The following TBC1D22A variants were observed in gnomAD, a reference collection of about 807,000 sequenced individuals.
The protein encoded by TBC1D22A is TBC1 domain family member 22A.
A neutral mutation model predicts 60.2 loss-of-function variants in TBC1D22A; 38 were observed. The ratio of observed to expected loss-of-function variants is 0.63; its 90% CI spans 0.49 to 0.83. The LOEUF is 0.83. Among genes scored for constraint, TBC1D22A ranks in the 40% least tolerant of loss-of-function variants. TBC1D22A has a pLI of 0.00. For synonymous variants in TBC1D22A, 302 were observed against 281.7 expected, an observed-to-expected ratio of 1.07 and a Z score of -0.72; for missense variants, 628 against 701.0, an observed-to-expected ratio of 0.90 and a Z score of 1.18.
At chr22:47,008,635 G>C (rs889411406) in intron 10 of TBC1D22A, among the ~76,000 whole-genome samples, 1 of 152,216 alleles carries the variant, frequency 6.6e-6, no homozygotes, top group African/African-American at 2.4e-5. Flanking sequence ...ACAACGATGG[G>C]CTGCAGCAAG....
intron 11 of TBC1D22A, among the ~76,000 whole-genome samples, chr22:47,053,981 G>A (rs2063309859): frequency 6.6e-6 from 1 of 152,202 alleles, no homozygotes; most frequent in South Asian, 2.1e-4. Context: ...GAGGAAACAG[G>A]CTGAGAGAGG....
At chr22:47,140,269 G>A (rs1365136980) in intron 12 of TBC1D22A, among the ~76,000 whole-genome samples, 1 of 152,098 alleles carries the variant, frequency 6.6e-6, no homozygotes, top group Non-Finnish European at 1.5e-5. Context: ...AGAGCTCATC[G>A]GTTGTGAAAA....
intron 10 of TBC1D22A, among the ~76,000 whole-genome samples, chr22:47,029,376 G>A (rs1269826681): frequency 6.6e-6 from 1 of 152,066 alleles, no homozygotes; most frequent in Non-Finnish European, 1.5e-5. Flanking sequence ...CCATAGCCAT[G>A]TGTTCGCCAA....
chr22:46,862,864 A>G (rs2087979060), intron 4 of TBC1D22A, among the ~76,000 whole-genome samples: 1 of 152,030 alleles, frequency 6.6e-6, no homozygotes, highest in South Asian at 2.1e-4. Context: ...GCATGGGAGG[A>G]AAGGGGACAG....
chr22:46,942,026 T>TTATATATATATATATATATATTA (rs75052846), intron 8 of TBC1D22A, among the ~76,000 whole-genome samples: 1 of 137,400 alleles, frequency 7.3e-6, no homozygotes, highest in East Asian at 2.1e-4. Context: ...TATATATATA[T>TTATATATATATATATATATATTA]TATATATATA....
chr22:47,142,885 C>A (rs1369948800), intron 12 of TBC1D22A, among the ~76,000 whole-genome samples: 1 of 148,610 alleles, frequency 6.7e-6, no homozygotes, highest in African/African-American at 2.5e-5. Context: ...TCCACCCACC[C>A]ACCCGACCAC....
intron 11 of TBC1D22A, among the ~76,000 whole-genome samples, chr22:47,104,817 C>A (rs1361079016): frequency 6.6e-6 from 1 of 152,042 alleles, no homozygotes; most frequent in Non-Finnish European, 1.5e-5. Flanking sequence ...TGGACATTTC[C>A]TTTCTATTAT....
chr22:47,062,184 G>A (rs762319757), intron 11 of TBC1D22A, among the ~76,000 whole-genome samples: 2 of 151,700 alleles, frequency 1.3e-5, no homozygotes, highest in Non-Finnish European at 2.9e-5. Flanking sequence ...CCAGGGTTCC[G>A]GCAGTGTGGA....
rs553484153 is a variant in TBC1D22A, at chr22:46,840,746, A to AC, written c.638-37907_638-37906insC. Among the ~76,000 whole-genome samples, 122 of 152,264 alleles carry AC rather than the reference A, an allele frequency of 8.0e-4. 5 individuals are homozygous for AC. The East Asian group carries it at 0.02, about 25-fold the overall frequency. ...AGACTCTGTCTACAAAAAAAAAAAA[A>AC]AGACAAATGATAACAAGCATTCGTG... is the stretch of plus-strand genomic sequence containing the variant. On this transcript the variant is annotated intron_variant, in intron 4 of 12. Transcript: ENST00000337137.
At position 46,891,348 on chromosome 22, in the gene TBC1D22A, A is replaced by G. The variant is rs751940883; in HGVS notation, c.791A>G (p.Tyr264Cys). ...QKEYFAFIEH[Y>C]YDSRNDEVHQ... is the part of the protein sequence containing the mutation. ...GAATATTTTGCATTTATTGAGCACTATTACGATTCTAGGAACGACGAAGTT... is the reference window on the plus strand; with the variant it reads ...GAATATTTTGCATTTATTGAGCACTGTTACGATTCTAGGAACGACGAAGTT... Residue 264 changes from tyrosine (Y) to cysteine (C), a missense_variant, in exon 6 of 13, where the codon TAT becomes TGT. Physicochemically the swap from Tyr to Cys is radical, Grantham distance 194. Coordinates refer to ENST00000337137, the MANE Select transcript of TBC1D22A (RefSeq NM_014346.5). 2.5e-6 allele frequency: 4 copies of G among 1,613,368 alleles called. No individual in the cohort carries two copies. In the South Asian group the frequency reaches 4.4e-5, roughly 18 times the overall value.
intron 12 of TBC1D22A, among the ~76,000 whole-genome samples, chr22:47,137,021 A>C (rs2066900364): frequency 6.6e-6 from 1 of 152,080 alleles, no homozygotes; most frequent in African/African-American, 2.4e-5. Context: ...CTACGTCTTC[A>C]CTCGGCGCGG....
intron 9 of TBC1D22A, among the ~76,000 whole-genome samples, chr22:46,980,916 T>A (rs1454759641): frequency 1.3e-5 from 2 of 152,218 alleles, no homozygotes; most frequent in Non-Finnish European, 2.9e-5. Flanking sequence ...ATGTGTCTCA[T>A]GTTCTGAAGA....
At chr22:46,830,046 C>T (rs537996690) in intron 4 of TBC1D22A, among the ~76,000 whole-genome samples, 2 of 152,324 alleles carry the variant, frequency 1.3e-5, no homozygotes, top group East Asian at 1.9e-4. Flanking sequence ...GTGCTGTGAG[C>T]GCAGAGCCCT....
intron 12 of TBC1D22A, among the ~76,000 whole-genome samples, chr22:47,171,766 G>A (rs560219985): frequency 3.9e-4 from 60 of 152,354 alleles, no homozygotes; most frequent in South Asian, 2.3e-3. Flanking sequence ...GTCCCCCGAG[G>A]ACCTGTGCTT....
At chr22:47,082,009 T>G (rs1439144864) in intron 11 of TBC1D22A, among the ~76,000 whole-genome samples, 2 of 152,062 alleles carry the variant, frequency 1.3e-5, no homozygotes, top group African/African-American at 4.8e-5. Flanking sequence ...AATACAAAAA[T>G]TAGCCAGGCG....
chr22:47,023,612 C>T (rs2062158899), intron 10 of TBC1D22A, among the ~76,000 whole-genome samples: 1 of 152,222 alleles, frequency 6.6e-6, no homozygotes, highest in Non-Finnish European at 1.5e-5. Flanking sequence ...GGAGAAGAGA[C>T]ACCCTGCATT....
intron 11 of TBC1D22A, among the ~76,000 whole-genome samples, chr22:47,059,744 C>T (rs942183420): frequency 2.6e-5 from 4 of 152,148 alleles, no homozygotes; most frequent in African/African-American, 7.2e-5. Context: ...AGCATCCCTG[C>T]GCTTTCAGGT....
intron 4 of TBC1D22A, among the ~76,000 whole-genome samples, chr22:46,849,753 G>A: frequency 6.6e-6 from 1 of 152,176 alleles, no homozygotes; most frequent in East Asian, 1.9e-4. Context: ...ACAAAATGAG[G>A]TGCCGGATAC....
rs373373893 is a variant in TBC1D22A at position 47,112,027 on chromosome 22, G to A, written c.1425+424G>A. Among the ~76,000 whole-genome samples the A allele has an allele frequency of 3.3e-5, 5 of 152,344 alleles. No homozygotes were observed. In the South Asian group the frequency reaches 6.2e-4, roughly 19 times the overall value. On this transcript the variant is annotated intron_variant, in intron 12 of 12. Transcript: ENST00000337137. ...GTGCCTTCCAGCCAGGCCACTGGAA[G>A]CTCTGTGACTGGGGGCACATTGTTC... is the stretch of plus-strand genomic sequence containing the variant.
Sources: gnomAD v4.1 joint callset for allele counts (sites outside exome capture counted in the v4.1 genomes callset) on GRCh38, gnomAD v4.1.1 for gene constraint, MANE v1.5 for transcripts, NCBI Gene and HGNC (gene_info 2026-07-23, HGNC 2026-07-21) for gene names.